Variants in TSC22D2 observed in about 807,000 individuals in gnomAD.
The protein encoded by TSC22D2 is TSC22 domain family member 2, also known as TSC22 domain family protein 2.
TSC22D2 carries 5 observed loss-of-function variants against 50.1 expected under a neutral mutation model. That is an observed-to-expected ratio of 0.10 (90% confidence interval 0.05 to 0.21). TSC22D2 has a LOEUF of 0.21. Ranked by LOEUF, TSC22D2 falls within the 10% of genes least tolerant of loss-of-function variation. TSC22D2 has a pLI of 1.00. For synonymous variants in TSC22D2, 501 were observed against 450.1 expected (o/e 1.11, Z -1.43); for missense variants, 1,003 against 1,015.5 (o/e 0.99, Z 0.17).
chr3:150,432,578 C>CT (rs571946786), intron 1 of TSC22D2, among the ~76,000 whole-genome samples: 19 of 149,572 alleles, frequency 1.3e-4, no homozygotes, highest in East Asian at 1.9e-4. Flanking sequence ...TATTGAAGAG[C>CT]TTTTTTTAAA....
intron 1 of TSC22D2, among the ~76,000 whole-genome samples, chr3:150,454,181 G>C (rs536493709): frequency 1.3e-4 from 20 of 152,318 alleles, no homozygotes; most frequent in Non-Finnish European, 2.4e-4. Flanking sequence ...CATCACAGAA[G>C]AGATGGCACT....
At chr3:150,414,343 TTAAAC>T (rs1291502283) in intron 1 of TSC22D2, among the ~76,000 whole-genome samples, 2 of 152,182 alleles carry the variant, frequency 1.3e-5, no homozygotes, top group African/African-American at 4.8e-5. Context: ...CAAAACTTGT[TTAAAC>T]TACGTACACA....
At chr3:150,417,642 A>AC in intron 1 of TSC22D2, among the ~76,000 whole-genome samples, 1 of 152,220 alleles carries the variant, frequency 6.6e-6, no homozygotes, top group South Asian at 2.1e-4. Flanking sequence ...GTTTTAAGGA[A>AC]TTAAATGATG....
At chr3:150,439,138 T>C (rs531144698) in intron 1 of TSC22D2, among the ~76,000 whole-genome samples, 1 of 152,250 alleles carries the variant, frequency 6.6e-6, no homozygotes, top group South Asian at 2.1e-4. Context: ...CAAGGTGATA[T>C]AATTGTAGAA....
Position 150,463,136 on chromosome 3 carries a change from C to T in TSC22D2, c.*4500C>T, listed in dbSNP as rs1721465363. On this transcript the variant is annotated 3_prime_UTR_variant, in exon 3 of 3. Transcript: ENST00000688009. ...ACTATGCCTGTCTCTCAATTCTACC[C>T]TAAAGGTAAACTAAATGGAATCCTT... 6.6e-6 allele frequency: 1 copy of T among 152,200 alleles called. No individual in the cohort carries two copies. The highest frequency in any genetic ancestry group is 1.5e-5 in the Non-Finnish European group (1 of 68,030). 9.4% of individuals were successfully genotyped at this position (152,200 alleles called of 1,614,324 possible).
intron 1 of TSC22D2, among the ~76,000 whole-genome samples, chr3:150,442,576 T>A (rs955863102): frequency 6.6e-6 from 1 of 152,256 alleles, no homozygotes; most frequent in Admixed American, 6.5e-5. Flanking sequence ...AGTAAGTGTT[T>A]ACCATATGCC....
intron 1 of TSC22D2, chr3:150,422,951 CTG>C (rs1720062448): frequency 1.2e-6 from 1 of 809,442 alleles, no homozygotes; most frequent in Non-Finnish European, 1.9e-6. Flanking sequence ...AAAAGTTACA[CTG>C]TATTAGAAAT....
chr3:150,457,277 G>A, intron 2 of TSC22D2, 150 bp downstream of exon 2: 1 of 724,994 alleles, frequency 1.4e-6, no homozygotes, highest in South Asian at 1.7e-5. Flanking sequence ...GAAGATGCTA[G>A]AACGTTGAGA....
In TSC22D2 at chr3:150,461,453, G is replaced by C. The variant is rs1163816551; in HGVS notation, c.*2817G>C. 2.0e-5 allele frequency: 3 copies of C among 152,192 alleles called. No homozygotes were observed. Among genetic ancestry groups the C allele is most frequent in the African/African-American group, 7.2e-5 (3 of 41,444 alleles). 9.4% of individuals were successfully genotyped at this position (152,192 alleles called of 1,614,324 possible). On this transcript the variant is annotated 3_prime_UTR_variant, in exon 3 of 3. Transcript: ENST00000688009. Reference sequence around the variant, plus strand: ...TAATTCTGTCAGTGTAATGCCCATAGAGCAAGGTCCCACATAAGCTTTTCT... The same window carrying C: ...TAATTCTGTCAGTGTAATGCCCATACAGCAAGGTCCCACATAAGCTTTTCT...
In TSC22D2 at chr3:150,417,409, A is replaced by G. The variant is rs1450340; in HGVS notation, c.1958+6101A>G. Among the ~76,000 whole-genome samples, 199 of 152,226 alleles carry G rather than the reference A, an allele frequency of 1.3e-3. 1 individual carries two copies. Among genetic ancestry groups the G allele is most frequent in the African/African-American group, 4.6e-3 (190 of 41,572 alleles). Reference sequence around the variant, plus strand: ...CAAATCTTTGCTTGGCATACCGTCTACCTAGTCTTTGAAGACAAAACAAAG... The same window carrying G: ...CAAATCTTTGCTTGGCATACCGTCTGCCTAGTCTTTGAAGACAAAACAAAG... On this transcript the variant is annotated intron_variant, in intron 1 of 2. Coordinates refer to ENST00000688009, the MANE Select transcript of TSC22D2 (RefSeq NM_001303264.2).
At chr3:150,414,284 G>T (rs1719711222) in intron 1 of TSC22D2, among the ~76,000 whole-genome samples, 1 of 152,196 alleles carries the variant, frequency 6.6e-6, no homozygotes. Flanking sequence ...GGATGTGATG[G>T]TTGAAAATAC....
intron 1 of TSC22D2, among the ~76,000 whole-genome samples, chr3:150,449,025 G>A (rs568170785): frequency 2.2e-4 from 34 of 152,136 alleles, no homozygotes; most frequent in African/African-American, 8.2e-4. Flanking sequence ...AGAAATCGCT[G>A]TACTGGGAGC....
At chr3:150,431,727 G>A (rs574416048) in intron 1 of TSC22D2, among the ~76,000 whole-genome samples, 1 of 152,288 alleles carries the variant, frequency 6.6e-6, no homozygotes, top group Non-Finnish European at 1.5e-5. Flanking sequence ...AGTTGGTGAA[G>A]TTTTATAAGG....
rs893150095 is a variant in TSC22D2 at position 150,410,279 on chromosome 3, A to G, written c.929A>G (p.Gln310Arg). The stretch of plus-strand genomic sequence containing the variant: ...CCGCAGCCAATGATGGCAGCCGCGC[A>G]GCCCAGCCAGCCCCAGGGAGCGGGG... ...TGPQPMMAAA[Q>R]PSQPQGAGPG... Residue 310 changes from glutamine (Q) to arginine (R), a missense_variant, in exon 1 of 3, where the codon CAG becomes CGG. By Grantham distance (43) the Gln-to-Arg change is conservative. This residue lies in a region of TSC22D2 where 696 missense variants were observed against 647.8 expected (regional missense o/e 1.07). Coordinates refer to ENST00000688009, the MANE Select transcript of TSC22D2 (RefSeq NM_001303264.2). The G allele has an allele frequency of 1.3e-6, 2 of 1,555,572 alleles. No individual in the cohort carries two copies. The highest frequency in any genetic ancestry group is 1.4e-5 in the African/African-American group (1 of 73,676).
chr3:150,423,923 A>G (rs1159061353), intron 1 of TSC22D2, among the ~76,000 whole-genome samples: 1 of 152,176 alleles, frequency 6.6e-6, no homozygotes, highest in Non-Finnish European at 1.5e-5. Context: ...CTGGCAACGC[A>G]TTTGTGTCTT....
rs759119717 is a variant in TSC22D2, at chr3:150,410,059, G to T, written c.709G>T (p.Gly237Trp). The T allele has an allele frequency of 1.9e-6, 3 of 1,613,092 alleles. No individual in the cohort carries two copies. The highest frequency in any genetic ancestry group is 2.5e-6 in the Non-Finnish European group (3 of 1,180,022). ...AGTGGCCTCCATGCAGGGGGCGCAC[G>T]GGCCCGAGTCGGGAACTGACAGCTC... is the stretch of plus-strand genomic sequence containing the variant. ...VVVASMQGAH[G>W]PESGTDSSLT... The change falls in exon 1 of 3, where the codon GGG becomes TGG. Residue 237 changes from glycine (G) to tryptophan (W), a missense_variant. By Grantham distance (184) the Gly-to-Trp change is radical. Around this residue, in one of 6 missense-constraint regions of TSC22D2, gnomAD observed 696 missense variants for 647.8 expected, o/e 1.07. Coordinates refer to ENST00000688009, the MANE Select transcript of TSC22D2 (RefSeq NM_001303264.2).
chr3:150,450,110 T>C (rs1309173457), intron 1 of TSC22D2, among the ~76,000 whole-genome samples: 3 of 152,082 alleles, frequency 2.0e-5, no homozygotes, highest in Non-Finnish European at 4.4e-5. Context: ...GGGTCTAAGG[T>C]AGGAGATGGA....
chr3:150,434,553 C>T (rs1483447940), intron 1 of TSC22D2, among the ~76,000 whole-genome samples: 1 of 152,144 alleles, frequency 6.6e-6, no homozygotes, highest in African/African-American at 2.4e-5. Flanking sequence ...AGAGGGAGCT[C>T]TACCTTTAAT....
At position 150,466,257 on chromosome 3, in the gene TSC22D2, A is replaced by G. The variant is rs1422733234; in HGVS notation, c.*7621A>G. 6.6e-6 allele frequency: 1 copy of G among 152,064 alleles called. No homozygotes were observed. The highest frequency in any genetic ancestry group is 2.4e-5 in the African/African-American group (1 of 41,400). 9.4% of individuals were successfully genotyped at this position (152,064 alleles called of 1,614,324 possible). On this transcript the variant is annotated 3_prime_UTR_variant, in exon 3 of 3. Coordinates refer to ENST00000688009, the MANE Select transcript of TSC22D2 (RefSeq NM_001303264.2). Reference sequence around the variant, plus strand: ...CTGTATAGTGTACTTCTACAAGTACATATTTGTGTATTATATAGAGAGAAG... The same window carrying G: ...CTGTATAGTGTACTTCTACAAGTACGTATTTGTGTATTATATAGAGAGAAG...
Sources: gnomAD v4.1 joint callset for allele counts (sites outside exome capture counted in the v4.1 genomes callset) on GRCh38, gnomAD v4.1.1 for gene constraint, gnomAD v4.1.1 regional missense constraint, MANE v1.5 for transcripts, NCBI Gene and HGNC (gene_info 2026-07-23, HGNC 2026-07-21) for gene names.